Variants in UBE2K observed in about 807,000 individuals in gnomAD.
The protein encoded by UBE2K is ubiquitin-conjugating enzyme E2 K.
Under a neutral mutation model 30.0 loss-of-function variants are expected in UBE2K, and 6 were observed. The ratio of observed to expected loss-of-function variants is 0.20; its 90% confidence interval spans 0.11 to 0.39. UBE2K has a LOEUF of 0.39. Ranked by LOEUF, UBE2K falls within the 10% of genes least tolerant of loss-of-function variation. UBE2K has a pLI of 1.00. For synonymous variants in UBE2K, 86 were observed against 83.7 expected, an observed-to-expected ratio of 1.03 and a Z score of -0.15; for missense variants, 61 against 241.6, an observed-to-expected ratio of 0.25 and a Z score of 4.96.
chr4:39,763,121 T>G (rs935213521), intron 4 of UBE2K, among the ~76,000 whole-genome samples: 1 of 151,068 alleles, frequency 6.6e-6, no homozygotes, highest in African/African-American at 2.4e-5. Context: ...ATTTGTGTTT[T>G]TAATACAGAT....
intron 1 of UBE2K, among the ~76,000 whole-genome samples, chr4:39,718,509 G>A (rs754163665): frequency 6.6e-6 from 1 of 152,234 alleles, no homozygotes; most frequent in African/African-American, 2.4e-5. Flanking sequence ...TGCGCCATGC[G>A]CCTGCACTCC....
chr4:39,758,695 A>G (rs1270629732), intron 4 of UBE2K, among the ~76,000 whole-genome samples: 2 of 148,650 alleles, frequency 1.3e-5, no homozygotes, highest in Non-Finnish European at 2.9e-5. Flanking sequence ...AAAAAAAAAA[A>G]GAAAGAAAAA....
intron 1 of UBE2K, among the ~76,000 whole-genome samples, chr4:39,722,531 T>C (rs1719481079): frequency 6.6e-6 from 1 of 152,162 alleles, no homozygotes; most frequent in South Asian, 2.1e-4. Flanking sequence ...CTGGAAATAA[T>C]CTTATTCCCA....
At chr4:39,740,838 G>T (rs1456983238) in intron 2 of UBE2K, among the ~76,000 whole-genome samples, 2 of 147,374 alleles carry the variant, frequency 1.4e-5, no homozygotes, top group African/African-American at 2.6e-5. Context: ...ACTCCAGCCT[G>T]GGCAACAGAG....
intron 3 of UBE2K, among the ~76,000 whole-genome samples, chr4:39,751,332 A>C (rs560679139): frequency 4.6e-5 from 7 of 152,134 alleles, no homozygotes; most frequent in Non-Finnish European, 8.8e-5. Context: ...CTTTTTTCCT[A>C]TGTATCTACA....
chr4:39,728,832 T>TG (rs1198037296), intron 1 of UBE2K, among the ~76,000 whole-genome samples: 1 of 148,220 alleles, frequency 6.7e-6, no homozygotes, highest in East Asian at 2.0e-4. Context: ...TTTTTGTTTT[T>TG]TTTTTTTTGT....
chr4:39,717,671 G>A (rs554997113), intron 1 of UBE2K, among the ~76,000 whole-genome samples: 87 of 152,310 alleles, frequency 5.7e-4, no homozygotes, highest in African/African-American at 1.9e-3. Context: ...TCTTGTGTCC[G>A]GAATTGGTGG....
intron 4 of UBE2K, among the ~76,000 whole-genome samples, chr4:39,774,625 GAA>G (rs1014952709): frequency 3.3e-5 from 5 of 151,706 alleles, no homozygotes; most frequent in African/African-American, 1.2e-4. Flanking sequence ...GGGAAAAAAA[GAA>G]AAAAGAAATA....
chr4:39,735,997 AAG>A lies in UBE2K; in HGVS notation c.64-1420_64-1419del, dbSNP rs556269825. On this transcript the variant is annotated intron_variant, in intron 1 of 6. Transcript: ENST00000261427. ...TACTAAAAAATATTTAACATAGAAA[AAG>A]AGTAAAAATTGTGGTTTTTTTTTTT... Among the ~76,000 whole-genome samples the A allele has an allele frequency of 7.8e-4, 94 of 121,138 alleles. No individual in the cohort carries two copies. In the Middle Eastern group the frequency reaches 0.035, roughly 45 times the overall value. 79.5% of individuals were successfully genotyped at this position (121,138 alleles called of 152,430 possible).
chr4:39,766,420 T>C (rs566562765), intron 4 of UBE2K, among the ~76,000 whole-genome samples: 5 of 152,288 alleles, frequency 3.3e-5, no homozygotes, highest in African/African-American at 1.2e-4. Context: ...ATTGACACTT[T>C]ATATATCTTC....
chr4:39,770,980 A>AG (rs1712769930), intron 4 of UBE2K: 16 of 1,602,370 alleles, frequency 1.0e-5, no homozygotes, highest in Non-Finnish European at 1.4e-5. Context: ...TGGAGGGAGG[A>AG]GGGACTTGTT....
rs3839130 is a variant in UBE2K, at chr4:39,779,042, A to ACCCCCCCCCCCCCCCCCCTTCCC, written c.*616_*617insCCCCCCCCCCTTCCCCCCCCCCC. 4.7e-5 allele frequency: 6 copies of ACCCCCCCCCCCCCCCCCCTTCCC among 128,220 alleles called. No homozygotes were observed. The highest frequency in any genetic ancestry group is 2.5e-4 in the South Asian group (1 of 4,008). 7.9% of individuals were successfully genotyped at this position (128,220 alleles called of 1,614,324 possible). On this transcript the variant is annotated 3_prime_UTR_variant, in exon 7 of 7. Coordinates refer to ENST00000261427, the MANE Select transcript of UBE2K (RefSeq NM_005339.5). ...TGGGACAGTGTCTGATTCCCCCTTC[A>ACCCCCCCCCCCCCCCCCCTTCCC]CCCCCCCCACCCCCGCCTTGCCACA...
At chr4:39,761,898 G>A (rs1281979594) in intron 4 of UBE2K, among the ~76,000 whole-genome samples, 6 of 151,812 alleles carry the variant, frequency 4.0e-5, no homozygotes, top group Admixed American at 6.6e-5. Flanking sequence ...GTTGCTGGCC[G>A]GATGTGGTGG....
intron 4 of UBE2K, among the ~76,000 whole-genome samples, chr4:39,771,668 C>T (rs1210215948): frequency 2.6e-5 from 4 of 151,848 alleles, no homozygotes; most frequent in Admixed American, 6.6e-5. Flanking sequence ...TTCCAGGCCT[C>T]GCGCGCGCGG....
At chr4:39,713,394 G>A (rs929137549) in intron 1 of UBE2K, among the ~76,000 whole-genome samples, 1 of 141,622 alleles carries the variant, frequency 7.1e-6, no homozygotes, top group Non-Finnish European at 1.5e-5. Flanking sequence ...CTGACCTCAG[G>A]CAATCTGCCC....
intron 1 of UBE2K, among the ~76,000 whole-genome samples, chr4:39,733,003 G>A (rs541768982): frequency 3.0e-5 from 4 of 131,276 alleles, no homozygotes; most frequent in Non-Finnish European, 6.2e-5. Flanking sequence ...ATATATCTCT[G>A]TTCCTTTTGT....
At chr4:39,778,316 G>A (rs753444125) in intron 6 of UBE2K, 44 bp from the exon 7 acceptor site, 5 of 1,293,580 alleles carry the variant, frequency 3.9e-6, no homozygotes, top group African/African-American at 2.9e-5. Flanking sequence ...TTGTTTAAAT[G>A]TTTCCTTGAG....
rs1560363562 is a variant in UBE2K, at chr4:39,745,765, A to G, written c.171A>G (p.Gln57=). 1 of 1,607,290 alleles carries G rather than the reference A, an allele frequency of 6.2e-7. No homozygotes were observed. Among genetic ancestry groups the G allele is most frequent in the Non-Finnish European group, 8.5e-7 (1 of 1,176,366 alleles). ...PDTPYEGGRY[Q]LEIKIPETYP... Reference sequence around the variant, plus strand: ...CCATTTTTTTAGGAGGAAGATACCAACTAGAGATAAAAATACCAGAAACAT... The same window carrying G: ...CCATTTTTTTAGGAGGAAGATACCAGCTAGAGATAAAAATACCAGAAACAT... The change falls in exon 3 of 7, where the codon CAA becomes CAG. Residue 57 remains glutamine, a synonymous_variant. Transcript: ENST00000261427.
rs1713510743 is a variant in UBE2K, at chr4:39,779,885, T to G, written c.*1451T>G. 1 of 152,216 alleles carries G rather than the reference T, an allele frequency of 6.6e-6. No individual in the cohort carries two copies. The highest frequency in any genetic ancestry group is 2.4e-5 in the African/African-American group (1 of 41,468). 9.4% of individuals were successfully genotyped at this position (152,216 alleles called of 1,614,324 possible). A position where few individuals can be genotyped will look rare whatever the true frequency, so the allele number is the denominator to read the frequency against. ...TCTTTAAGTGTTATTTATCTTAAAT[T>G]ATAATCGTTAAATGTTTGGAAGATA... On this transcript the variant is annotated 3_prime_UTR_variant, in exon 7 of 7. Transcript: ENST00000261427.
Sources: gnomAD v4.1 joint callset for allele counts (sites outside exome capture counted in the v4.1 genomes callset) on GRCh38, gnomAD v4.1.1 for gene constraint, MANE v1.5 for transcripts, NCBI Gene and HGNC (gene_info 2026-07-23, HGNC 2026-07-21) for gene names.